PRKN: variants seen among roughly 807,000 people sequenced by gnomAD.
PRKN encodes the protein parkin RBR E3 ubiquitin protein ligase, also known as E3 ubiquitin-protein ligase parkin.
Under a neutral mutation model 59.5 loss-of-function variants are expected in PRKN, and 56 were observed. That is an observed-to-expected ratio of 0.94 (90% CI 0.76 to 1.18). The LOEUF is 1.18. Ranked by LOEUF, PRKN falls within the 50% of genes most tolerant of loss-of-function variation. The pLI is 0.00. For missense variants in PRKN, 657 were observed against 596.4 expected (o/e 1.10, Z -1.06); for synonymous variants, 250 against 222.1 (o/e 1.13, Z -1.12).
chr6:162,561,657 G>A (rs1213507850), intron 1 of PRKN, among the ~76,000 whole-genome samples: 1 of 152,204 alleles, frequency 6.6e-6, no homozygotes. Flanking sequence ...GGCACTAGGG[G>A]AGGGAGAACA....
At position 161,766,499 on chromosome 6, in the gene PRKN, G is replaced by A. The variant is rs1789430127; in HGVS notation, c.871+19273C>T. ...ATTTTTCTGTATTTTCAGTAGAGAC[G>A]GGGTTTCACCATGTTGGCCAGGATG... On this transcript the variant is annotated intron_variant, in intron 7 of 11. Coordinates refer to ENST00000366898, the MANE Select transcript of PRKN (RefSeq NM_004562.3). Among the ~76,000 whole-genome samples, 2 of 151,948 alleles carry A rather than the reference G, an allele frequency of 1.3e-5. 1 individual carries two copies. The highest frequency in any genetic ancestry group is 4.2e-4 in the South Asian group (2 of 4,812).
chr6:162,006,877 A>G (rs566569913), intron 5 of PRKN, among the ~76,000 whole-genome samples: 4 of 152,260 alleles, frequency 2.6e-5, no homozygotes, highest in East Asian at 1.9e-4. Context: ...ACCCCAGAAT[A>G]TAAGCTCCAT....
chr6:162,570,504 A>G (rs915706536), intron 1 of PRKN, among the ~76,000 whole-genome samples: 6 of 152,236 alleles, frequency 3.9e-5, no homozygotes, highest in South Asian at 2.1e-4. Flanking sequence ...TATACAAGAT[A>G]TATCTGCACT....
chr6:161,781,284 A>C (rs978767625), intron 7 of PRKN, among the ~76,000 whole-genome samples: 1 of 152,346 alleles, frequency 6.6e-6, no homozygotes, highest in East Asian at 1.9e-4. Flanking sequence ...GCAAATTTCT[A>C]TGAGTATTAT....
chr6:162,048,078 G>GA lies in PRKN; in HGVS notation c.618+6012dup, dbSNP rs571583750. On this transcript the variant is annotated intron_variant, in intron 5 of 11. Transcript: ENST00000366898. ...GGTGTTACGCTACTTGTTCTGATAA[G>GA]AAAAAAAATGTTTGATGTATAAGAG... is the stretch of plus-strand genomic sequence containing the variant. 1.9e-3 allele frequency among the ~76,000 whole-genome samples: 290 copies of GA among 151,360 alleles called. 2 individuals are homozygous for GA. The highest frequency in any genetic ancestry group is 6.9e-3 in the African/African-American group (285 of 41,332).
At chr6:161,980,298 C>T (rs1299109198) in intron 5 of PRKN, among the ~76,000 whole-genome samples, 1 of 151,716 alleles carries the variant, frequency 6.6e-6, no homozygotes, top group East Asian at 1.9e-4. Flanking sequence ...TTAATATTTC[C>T]CAAAAGAAAA....
chr6:162,257,462 C>A lies in PRKN; in HGVS notation c.412+5063G>T, dbSNP rs1365928709. The stretch of plus-strand genomic sequence containing the variant: ...CTAACCAAAACATCTAGAGGAAATG[C>A]AAAATTTCCTTTCACCTGATAGCTA... On this transcript the variant is annotated intron_variant, in intron 3 of 11. Transcript: ENST00000366898. Among the ~76,000 whole-genome samples, 4 of 152,184 alleles carry A rather than the reference C, an allele frequency of 2.6e-5. No homozygotes were observed. The East Asian group carries it at 5.8e-4, about 22-fold the overall frequency.
chr6:161,480,463 G>T lies in PRKN; in HGVS notation c.1083+68391C>A, dbSNP rs1791337139. Reference sequence around the variant, plus strand: ...TATTTCACATATGAGAAAATTGAGAGCTTAAACAGCTTGCTTAAAATAGCA... The same window carrying T: ...TATTTCACATATGAGAAAATTGAGATCTTAAACAGCTTGCTTAAAATAGCA... On this transcript the variant is annotated intron_variant, in intron 9 of 11. Coordinates refer to ENST00000366898, the MANE Select transcript of PRKN (RefSeq NM_004562.3). This position sits in a 1 kb window ranked among gnomAD's most constrained non-coding sequence, Gnocchi z 4.1. Among the ~76,000 whole-genome samples, 1 of 152,186 alleles carries T rather than the reference G, an allele frequency of 6.6e-6. No individual in the cohort carries two copies. The highest frequency in any genetic ancestry group is 1.5e-5 in the Non-Finnish European group (1 of 68,044).
intron 3 of PRKN, among the ~76,000 whole-genome samples, chr6:162,219,061 G>A (rs1278984758): frequency 6.6e-6 from 1 of 152,048 alleles, no homozygotes; most frequent in Non-Finnish European, 1.5e-5. Flanking sequence ...ATGGTGGCAT[G>A]CACCTGTACT....
chr6:162,486,818 C>T (rs1229479108), intron 1 of PRKN, among the ~76,000 whole-genome samples: 1 of 152,016 alleles, frequency 6.6e-6, no homozygotes, highest in Non-Finnish European at 1.5e-5. Flanking sequence ...GCCTGTAATA[C>T]CAGCATATTG....
intron 6 of PRKN, among the ~76,000 whole-genome samples, chr6:161,873,455 G>T (rs1195114859): frequency 6.6e-6 from 1 of 151,900 alleles, no homozygotes; most frequent in Non-Finnish European, 1.5e-5. Flanking sequence ...TTTTCCTGAC[G>T]GGAACTAAAT....
intron 9 of PRKN, among the ~76,000 whole-genome samples, chr6:161,481,579 G>C (rs1791400993): frequency 6.6e-6 from 1 of 151,934 alleles, no homozygotes; most frequent in South Asian, 2.1e-4. Context: ...ACTAGAACCT[G>C]GCGACAGAGC....
At chr6:162,389,307 G>T (rs1322725036) in intron 2 of PRKN, among the ~76,000 whole-genome samples, 3 of 152,102 alleles carry the variant, frequency 2.0e-5, no homozygotes, top group Admixed American at 1.3e-4. Flanking sequence ...ACCGGTGGGT[G>T]CAGGTGATGA....
intron 3 of PRKN, among the ~76,000 whole-genome samples, chr6:162,217,031 T>A (rs1562588410): frequency 6.6e-6 from 1 of 152,136 alleles, no homozygotes; most frequent in Non-Finnish European, 1.5e-5. Context: ...ACACCAAGAT[T>A]TTCGGTGTAC....
chr6:161,557,020 T>C (rs1446595910), intron 8 of PRKN, among the ~76,000 whole-genome samples: 2 of 152,266 alleles, frequency 1.3e-5, no homozygotes, highest in Non-Finnish European at 2.9e-5. Flanking sequence ...TTGAATTTAT[T>C]GTACAATATT....
intron 7 of PRKN, among the ~76,000 whole-genome samples, chr6:161,602,567 AG>A (rs1460805641): frequency 2.7e-4 from 41 of 152,326 alleles, no homozygotes; most frequent in African/African-American, 8.9e-4. Context: ...AATGTGAGAG[AG>A]AAGTGTCAAG....
intron 2 of PRKN, among the ~76,000 whole-genome samples, chr6:162,349,274 C>A (rs892847370): frequency 6.6e-6 from 1 of 152,086 alleles, no homozygotes; most frequent in Non-Finnish European, 1.5e-5. Flanking sequence ...TCAAGACCAG[C>A]CTGGCCAATA....
In PRKN at chr6:161,456,563, C is replaced by G. The variant is rs770980967; in HGVS notation, c.1084-69686G>C. Among the ~76,000 whole-genome samples the G allele has an allele frequency of 6.6e-6, 1 of 151,960 alleles. No individual in the cohort carries two copies. The highest frequency in any genetic ancestry group is 1.5e-5 in the Non-Finnish European group (1 of 67,998). On this transcript the variant is annotated intron_variant, in intron 9 of 11. Coordinates refer to ENST00000366898, the MANE Select transcript of PRKN (RefSeq NM_004562.3). This position sits in a 1 kb window ranked among gnomAD's most constrained non-coding sequence, Gnocchi z 4.8. ...TGAGTCAATTCTCCTTAATAAATGC[C>G]CCTTCATATATTCATCTATCCAATT...
chr6:162,612,110 G>A lies in PRKN; in HGVS notation c.7+115552C>T, dbSNP rs902378617. On this transcript the variant is annotated intron_variant, in intron 1 of 11. Coordinates refer to ENST00000366898, the MANE Select transcript of PRKN (RefSeq NM_004562.3). ...CGGGAGGCTGAGGCAGGAGAATGGC[G>A]TGAACCCGGGAGGCGGAGCTTGCAG... 1.4e-4 allele frequency among the ~76,000 whole-genome samples: 21 copies of A among 150,040 alleles called. No homozygotes were observed. The South Asian group carries it at 1.9e-3, about 14-fold the overall frequency.
Sources: gnomAD v4.1 joint callset for allele counts (sites outside exome capture counted in the v4.1 genomes callset) on GRCh38, gnomAD v4.1.1 for gene constraint, Gnocchi (gnomAD v3.1) non-coding constraint, MANE v1.5 for transcripts, NCBI Gene and HGNC (gene_info 2026-07-23, HGNC 2026-07-21) for gene names.